CAST: variants seen among roughly 807,000 people sequenced by gnomAD.
CAST encodes calpastatin, also known as MIR583 host.
In CAST, 76 loss-of-function variants were observed where a neutral mutation model predicts 119.6. The observed-to-expected ratio is 0.64, with a 90% confidence interval of 0.53 to 0.77. The LOEUF (loss-of-function observed/expected upper bound fraction) is 0.77, where lower values mean the gene tolerates loss of function less well. Among genes scored for constraint, CAST ranks in the 30% least tolerant of loss-of-function variants. CAST has a pLI of 0.00. For synonymous variants in CAST, 319 were observed against 331.6 expected, an observed-to-expected ratio of 0.96 and a Z score of 0.41; for missense variants, 953 against 946.5, an observed-to-expected ratio of 1.01 and a Z score of -0.09.
chr5:96,009,357 T>A, the CAST span, among the ~76,000 whole-genome samples: 2 of 152,232 alleles, frequency 1.3e-5, no homozygotes, highest in Non-Finnish European at 2.9e-5. Context: ...AAATGGTAGC[T>A]CTGAGTTGTT....
At chr5:96,541,667 G>A (rs769327801) in intron 1 of CAST, among the ~76,000 whole-genome samples, 19 of 152,114 alleles carry the variant, frequency 1.2e-4, no homozygotes, top group Admixed American at 3.3e-4. Context: ...GAGTTTTTAC[G>A]TTTGTATAGT....
chr5:96,251,715 G>C, the CAST span, among the ~76,000 whole-genome samples: 1 of 152,106 alleles, frequency 6.6e-6, no homozygotes, highest in Non-Finnish European at 1.5e-5. Flanking sequence ...CCAGATGTCA[G>C]TGATAAAAGC....
chr5:96,767,418 T>C lies in CAST; in HGVS notation c.2131-20T>C, dbSNP rs777870786. 4 of 1,604,278 alleles carry C rather than the reference T, an allele frequency of 2.5e-6. No individual in the cohort carries two copies. The highest frequency in any genetic ancestry group is 2.6e-6 in the Non-Finnish European group (3 of 1,171,538). On this transcript the variant is annotated intron_variant, in intron 27 of 31. Transcript: ENST00000675179. Reference sequence around the variant, plus strand: ...TTTACAGATATCTATGCTTAACCAATAGTCTGCCTTCTTTTTAAGGACAAA... The same window carrying C: ...TTTACAGATATCTATGCTTAACCAACAGTCTGCCTTCTTTTTAAGGACAAA...
At chr5:96,253,637 A>G in the CAST span, among the ~76,000 whole-genome samples, 7 of 152,128 alleles carry the variant, frequency 4.6e-5, no homozygotes, top group African/African-American at 7.2e-5. Context: ...GCACAACTAC[A>G]TAGTGCCTAG....
the CAST span, among the ~76,000 whole-genome samples, chr5:96,465,346 A>G: frequency 6.6e-6 from 1 of 152,098 alleles, no homozygotes; most frequent in Admixed American, 6.6e-5. Context: ...ATACATGTAC[A>G]AATAATGATA....
At chr5:96,679,797 AT>A (rs879725725) in intron 2 of CAST, among the ~76,000 whole-genome samples, 38 of 148,988 alleles carry the variant, frequency 2.6e-4, no homozygotes, top group South Asian at 4.2e-4. Flanking sequence ...TGACTCAAAC[AT>A]TTTTTTTTTA....
At chr5:96,480,367 C>CA in the CAST span, among the ~76,000 whole-genome samples, 1 of 152,204 alleles carries the variant, frequency 6.6e-6, no homozygotes. Flanking sequence ...GAATAAGGAA[C>CA]ATAGGGTGTG....
the CAST span, among the ~76,000 whole-genome samples, chr5:96,046,086 G>A: frequency 5.9e-5 from 9 of 152,252 alleles, no homozygotes; most frequent in East Asian, 1.9e-4. Context: ...CCTGAGGTAC[G>A]TTTAGTAAGT....
At chr5:96,353,461 G>A in the CAST span, among the ~76,000 whole-genome samples, 1 of 152,136 alleles carries the variant, frequency 6.6e-6, no homozygotes, top group Non-Finnish European at 1.5e-5. Flanking sequence ...TGTCCAGATC[G>A]CTGGTAAAAC....
At chr5:96,661,651 C>T (rs1580865504), upstream of CAST, among the ~76,000 whole-genome samples, 2 of 152,234 alleles carry the variant, frequency 1.3e-5, no homozygotes, top group Non-Finnish European at 2.9e-5. Flanking sequence ...AACCAGGAAG[C>T]GCTGTTTAAG....
the CAST span, among the ~76,000 whole-genome samples, chr5:96,044,762 C>G: frequency 0.017 from 2,637 of 152,184 alleles, 92 homozygotes; most frequent in African/African-American, 0.059. Flanking sequence ...TAGTCACACA[C>G]TGGAATACTG....
At chr5:96,191,878 A>AT in the CAST span, among the ~76,000 whole-genome samples, 343 of 152,300 alleles carry the variant, frequency 2.3e-3, 1 homozygote, top group African/African-American at 7.7e-3. Flanking sequence ...AGCTGATGGA[A>AT]TTTTTTTAAA....
the CAST span, among the ~76,000 whole-genome samples, chr5:96,365,687 C>T: frequency 6.6e-6 from 1 of 152,184 alleles, no homozygotes; most frequent in East Asian, 1.9e-4. Context: ...GAAGATCTTC[C>T]TCCATCCCTT....
chr5:96,119,186 A>T, the CAST span, among the ~76,000 whole-genome samples: 2 of 152,302 alleles, frequency 1.3e-5, no homozygotes, highest in Non-Finnish European at 2.9e-5. Context: ...AGGGATCTCT[A>T]TTGAGGTCTG....
chr5:95,968,793 G>A, the CAST span, among the ~76,000 whole-genome samples: 1 of 152,064 alleles, frequency 6.6e-6, no homozygotes. Context: ...GTTTGCTTTT[G>A]CCTTGGGTTT....
the CAST span, among the ~76,000 whole-genome samples, chr5:96,133,544 A>C: frequency 6.6e-6 from 1 of 152,212 alleles, no homozygotes; most frequent in Non-Finnish European, 1.5e-5. Flanking sequence ...TAAGTGGTAT[A>C]ACTGAAATGT....
At chr5:96,723,735 A>G (rs558862223) in intron 4 of CAST, among the ~76,000 whole-genome samples, 195 of 152,330 alleles carry the variant, frequency 1.3e-3, no homozygotes, top group South Asian at 3.1e-3. Context: ...AAGAGGGAGC[A>G]TTTTCAAAAT....
intron 1 of CAST, among the ~76,000 whole-genome samples, chr5:96,548,643 A>G (rs899130995): frequency 6.6e-6 from 1 of 152,118 alleles, no homozygotes; most frequent in Non-Finnish European, 1.5e-5. Flanking sequence ...ACCCCCAATG[A>G]CAATACTCTG....
Position 96,754,664 on chromosome 5 carries a change from G to A in CAST, c.1633G>A (p.Ala545Thr). Reference sequence around the variant, plus strand: ...ATGGTATAATTTTTCTCAGGAGAAGGCCAAAGAAGAAGACCGTGAAAAGCT... The same window carrying A: ...ATGGTATAATTTTTCTCAGGAGAAGACCAAAGAAGAAGACCGTGAAAAGCT... The part of the protein sequence containing the change: ...KPVMDKVKEK[A>T]KEEDREKLGE... The change falls in exon 22 of 32, where the codon GCC (alanine) becomes ACC (threonine). Residue 545 changes from alanine to threonine, a missense_variant. By Grantham distance (58) the Ala-to-Thr change is moderately conservative. Coordinates refer to ENST00000675179, the MANE Select transcript of CAST (RefSeq NM_001750.7). 6.3e-7 allele frequency: 1 copy of A among 1,595,696 alleles called. No individual in the cohort carries two copies. Among genetic ancestry groups the A allele is most frequent in the Non-Finnish European group, 8.6e-7 (1 of 1,166,970 alleles).
Sources: gnomAD v4.1 joint callset for allele counts (sites outside exome capture counted in the v4.1 genomes callset) on GRCh38, gnomAD v4.1.1 for gene constraint, MANE v1.5 for transcripts, NCBI Gene and HGNC (gene_info 2026-07-23, HGNC 2026-07-21) for gene names.